The following RALGAPA2 variants were observed in gnomAD, a reference collection of about 807,000 sequenced individuals.
The protein encoded by RALGAPA2 is ral GTPase-activating protein subunit alpha-2.
RALGAPA2 carries 139 observed loss-of-function variants against 230.4 expected under a neutral mutation model. The observed-to-expected ratio is 0.60, with a 90% CI of 0.53 to 0.69. The LOEUF (loss-of-function observed/expected upper bound fraction) is 0.69. RALGAPA2 is among the 30% of genes least tolerant of loss of function. RALGAPA2 has a pLI of 0.00. For synonymous variants in RALGAPA2, 847 were observed against 837.8 expected (o/e 1.01, Z -0.19); for missense variants, 2,163 against 2,276.0 (o/e 0.95, Z 1.01).
At chr20:20,554,127 C>G (rs1037691200) in intron 23 of RALGAPA2, among the ~76,000 whole-genome samples, 1 of 152,098 alleles carries the variant, frequency 6.6e-6, no homozygotes, top group Non-Finnish European at 1.5e-5. Context: ...CAAAATGAAG[C>G]CTATACCAAA....
At chr20:20,687,365 T>G (rs1410956977) in intron 1 of RALGAPA2, among the ~76,000 whole-genome samples, 2 of 152,228 alleles carry the variant, frequency 1.3e-5, no homozygotes, top group Non-Finnish European at 2.9e-5. Context: ...CCTAGGTCCC[T>G]GGGTAGTTTG....
chr20:20,558,380 T>C (rs1166040961), intron 23 of RALGAPA2, among the ~76,000 whole-genome samples: 1 of 152,240 alleles, frequency 6.6e-6, no homozygotes, highest in African/African-American at 2.4e-5. Context: ...CTTTACCTAA[T>C]AATCATTTAA....
chr20:20,565,668 G>GT (rs368693415), intron 23 of RALGAPA2, among the ~76,000 whole-genome samples: 20 of 152,022 alleles, frequency 1.3e-4, no homozygotes, highest in African/African-American at 4.6e-4. Flanking sequence ...GTGACAAAAC[G>GT]TTCATAAAAA....
chr20:20,696,744 A>G (rs1231329303), intron 1 of RALGAPA2, among the ~76,000 whole-genome samples: 1 of 151,852 alleles, frequency 6.6e-6, no homozygotes, highest in Non-Finnish European at 1.5e-5. Context: ...AATAATCACA[A>G]AGCTGCTCCC....
chr20:20,475,553 A>G (rs2061631352), intron 36 of RALGAPA2, among the ~76,000 whole-genome samples: 1 of 152,200 alleles, frequency 6.6e-6, no homozygotes, highest in African/African-American at 2.4e-5. Flanking sequence ...AAAACAAAAC[A>G]GAACAAAAAC....
rs78941392 is a variant in RALGAPA2 at position 20,662,072 on chromosome 20, C to T, written c.271-8485G>A. Among the ~76,000 whole-genome samples the T allele has an allele frequency of 1.3e-3, 193 of 152,210 alleles. 1 individual carries two copies. Among genetic ancestry groups the T allele is most frequent in the Non-Finnish European group, 2.0e-3 (137 of 68,000 alleles). Reference sequence around the variant, plus strand: ...ATAAAATAGGCAATACAGTATAATACGGAAGACTTGAATGTAGTTATAGCA... The same window carrying T: ...ATAAAATAGGCAATACAGTATAATATGGAAGACTTGAATGTAGTTATAGCA... On this transcript the variant is annotated intron_variant, in intron 3 of 39. Transcript: ENST00000202677.
chr20:20,598,581 G>T (rs188646365), intron 16 of RALGAPA2: 1 of 332,448 alleles, frequency 3.0e-6, no homozygotes, highest in South Asian at 2.3e-5. Context: ...GGTCAGGCAC[G>T]TGTGTGATGT....
At chr20:20,546,974 G>T in intron 23 of RALGAPA2, 142 bp from the exon 24 acceptor site, 1 of 895,632 alleles carries the variant, frequency 1.1e-6, no homozygotes, top group Non-Finnish European at 1.5e-6. Context: ...AAGGGATATT[G>T]GAAACAGAGT....
intron 37 of RALGAPA2, among the ~76,000 whole-genome samples, chr20:20,460,145 T>C (rs1182081165): frequency 6.6e-6 from 1 of 152,186 alleles, no homozygotes; most frequent in African/African-American, 2.4e-5. Context: ...GAGATGTTCT[T>C]CTAGTTGGGG....
At chr20:20,641,175 GGAT>G (rs2067019056) in intron 5 of RALGAPA2, among the ~76,000 whole-genome samples, 1 of 152,086 alleles carries the variant, frequency 6.6e-6, no homozygotes, top group Non-Finnish European at 1.5e-5. Flanking sequence ...TGTAAAATAA[GGAT>G]GATAAGACAT....
Position 20,680,608 on chromosome 20 carries a change from AATGTATAATTTGTGGCTC to A in RALGAPA2, c.217+65_217+82del, listed in dbSNP as rs2068484680. On this transcript the variant is annotated intron_variant, in intron 2 of 39. Coordinates refer to ENST00000202677, the MANE Select transcript of RALGAPA2 (RefSeq NM_020343.4). ...GGCTTGGCAAGAAAGAAAGCTTAAA[AATGTATAATTTGTGGCTC>A]ATGATATATACAACTTATAAAAATG... is the stretch of plus-strand genomic sequence containing the variant. The A allele has an allele frequency of 2.8e-6, 4 of 1,422,296 alleles. No individual in the cohort carries two copies. The South Asian group carries it at 6.2e-5, about 22-fold the overall frequency. 88.1% of individuals were successfully genotyped at this position (1,422,296 alleles called of 1,614,324 possible).
chr20:20,541,643 G>C (rs770148957), intron 24 of RALGAPA2, among the ~76,000 whole-genome samples: 2 of 152,196 alleles, frequency 1.3e-5, no homozygotes, highest in African/African-American at 4.8e-5. Context: ...TCAGAATGGG[G>C]TGCAATGTAA....
At position 20,392,417 on chromosome 20, in the gene RALGAPA2, G is replaced by A. The variant is rs2059619625; in HGVS notation, c.*872C>T. ...GGCCATTCGGGGGGTACCCGTCTCA[G>A]CCTAGCGCCTGAAGCCGGCATGCGC... On this transcript the variant is annotated 3_prime_UTR_variant, in exon 40 of 40. Transcript: ENST00000202677. 1 of 152,280 alleles carries A rather than the reference G, an allele frequency of 6.6e-6. No individual in the cohort carries two copies. The highest frequency in any genetic ancestry group is 2.4e-5 in the African/African-American group (1 of 41,450). The allele number at this position is 152,280 out of a possible 1,614,324, so 9.4% of individuals were successfully genotyped here.
At position 20,620,690 on chromosome 20, in the gene RALGAPA2, G is replaced by A. The variant is rs975468482; in HGVS notation, c.1234-60C>T. The stretch of plus-strand genomic sequence containing the variant: ...AACACACTCAGATCAGTATAGGGCA[G>A]CATCACGGACATTCCCAATGAGCAT... On this transcript the variant is annotated intron_variant, in intron 10 of 39. Transcript: ENST00000202677. 7 of 1,371,552 alleles carry A rather than the reference G, an allele frequency of 5.1e-6. No individual in the cohort carries two copies. The African/African-American group carries it at 5.9e-5, about 11-fold the overall frequency. 85.0% of individuals were successfully genotyped at this position (1,371,552 alleles called of 1,614,324 possible).
At chr20:20,445,496 T>C (rs1168034483) in intron 37 of RALGAPA2, among the ~76,000 whole-genome samples, 2 of 152,212 alleles carry the variant, frequency 1.3e-5, no homozygotes, top group Non-Finnish European at 2.9e-5. Context: ...GCTCCAACTG[T>C]GGCCCTGACT....
chr20:20,417,054 G>A (rs927914989), intron 37 of RALGAPA2, among the ~76,000 whole-genome samples: 3 of 152,218 alleles, frequency 2.0e-5, no homozygotes, highest in Non-Finnish European at 4.4e-5. Context: ...CCATGGCAGT[G>A]ATCTGCAGAG....
chr20:20,571,538 G>T lies in RALGAPA2; in HGVS notation c.3076C>A (p.Arg1026Ser). The T allele has an allele frequency of 6.2e-7, 1 of 1,612,546 alleles. No individual in the cohort carries two copies. The highest frequency in any genetic ancestry group is 8.5e-7 in the Non-Finnish European group (1 of 1,179,318). Residue 1026 changes from arginine to serine, a missense_variant, in exon 23 of 40, where the codon CGC becomes AGC. Coordinates refer to ENST00000202677, the MANE Select transcript of RALGAPA2 (RefSeq NM_020343.4). ...TCTGAGTTTGGCAGAACGTCCTGGC[G>T]TCTGGTCATCATGGCACAGATCAGC... ...YRLICAMMTR[R>S]QDVLPNSDFL...
chr20:20,624,328 C>CAAAAAAA (rs748683871), intron 10 of RALGAPA2, among the ~76,000 whole-genome samples: 2 of 49,138 alleles, frequency 4.1e-5, no homozygotes, highest in African/African-American at 1.4e-4. Flanking sequence ...ACTCCATCTC[C>CAAAAAAA]AAAAAAAAAA....
intron 1 of RALGAPA2, among the ~76,000 whole-genome samples, 199 bp from the exon 2 acceptor site, chr20:20,681,000 A>G (rs1035579918): frequency 2.0e-5 from 3 of 152,230 alleles, no homozygotes; most frequent in Admixed American, 6.5e-5. Flanking sequence ...CCCACCACTC[A>G]GCCCTGCTCA....
Sources: gnomAD v4.1 joint callset for allele counts (sites outside exome capture counted in the v4.1 genomes callset) on GRCh38, gnomAD v4.1.1 for gene constraint, MANE v1.5 for transcripts, NCBI Gene and HGNC (gene_info 2026-07-23, HGNC 2026-07-21) for gene names.